The following ST6GALNAC3 variants were observed in gnomAD, a reference collection of about 807,000 sequenced individuals.
The protein encoded by ST6GALNAC3 is alpha-N-acetylgalactosaminide alpha-2,6-sialyltransferase 3.
ST6GALNAC3 carries 25 observed loss-of-function variants against 32.7 expected under a neutral mutation model. The observed-to-expected ratio is 0.76, with a 90% confidence interval of 0.56 to 1.07. The LOEUF (loss-of-function observed/expected upper bound fraction) is 1.07, where lower values mean the gene tolerates loss of function less well. Among genes scored for constraint, ST6GALNAC3 ranks in the 50% least tolerant of loss-of-function variants. The pLI is 0.00. For synonymous variants in ST6GALNAC3, 129 were observed against 133.1 expected, an observed-to-expected ratio of 0.97 and a Z score of 0.21; for missense variants, 355 against 382.4, an observed-to-expected ratio of 0.93 and a Z score of 0.60.
chr1:76,340,989 G>A (rs1647917627), intron 2 of ST6GALNAC3, among the ~76,000 whole-genome samples: 1 of 151,572 alleles, frequency 6.6e-6, no homozygotes, highest in African/African-American at 2.4e-5. Context: ...TGGATTATCA[G>A]GTTAGATTCT....
chr1:76,334,067 C>T (rs1570865430), intron 2 of ST6GALNAC3, among the ~76,000 whole-genome samples: 1 of 152,186 alleles, frequency 6.6e-6, no homozygotes, highest in African/African-American at 2.4e-5. Context: ...CTCTTGCCTT[C>T]AAAGATGATT....
chr1:76,530,916 G>A (rs1339314061), intron 3 of ST6GALNAC3, among the ~76,000 whole-genome samples: 1 of 152,140 alleles, frequency 6.6e-6, no homozygotes, highest in Non-Finnish European at 1.5e-5. Context: ...TAATGAAAGG[G>A]GCAGAGAAGT....
In ST6GALNAC3 at chr1:76,196,357, C is replaced by T. The variant is rs146028414; in HGVS notation, c.19-117448C>T. ...GTTCCTGGGTGATACTGATGCTGCTCCTCTGGGTAGCACACTATAAGAAAC... is the reference window on the plus strand; with the variant it reads ...GTTCCTGGGTGATACTGATGCTGCTTCTCTGGGTAGCACACTATAAGAAAC... On this transcript the variant is annotated intron_variant, in intron 1 of 4. Transcript: ENST00000328299. 3.4e-4 allele frequency among the ~76,000 whole-genome samples: 52 copies of T among 152,216 alleles called. 2 individuals are homozygous for T. In the East Asian group the frequency reaches 9.7e-3, roughly 28 times the overall value.
intron 3 of ST6GALNAC3, among the ~76,000 whole-genome samples, chr1:76,463,074 T>G (rs1658391024): frequency 6.6e-6 from 1 of 152,264 alleles, no homozygotes; most frequent in South Asian, 2.1e-4. Context: ...TTTAGAAAAT[T>G]TAATCCCAGT....
intron 2 of ST6GALNAC3, among the ~76,000 whole-genome samples, chr1:76,314,340 C>A (rs1646826210): frequency 6.6e-6 from 1 of 152,102 alleles, no homozygotes; most frequent in Admixed American, 6.6e-5. Context: ...GGCTTGATTT[C>A]CTGTAGGTCA....
At chr1:76,515,108 T>A (rs889223656) in intron 3 of ST6GALNAC3, among the ~76,000 whole-genome samples, 2 of 152,196 alleles carry the variant, frequency 1.3e-5, no homozygotes, top group African/African-American at 4.8e-5. Context: ...TTTAAATGTT[T>A]GATAGAATTC....
At chr1:76,135,899 C>T (rs1649917632) in intron 1 of ST6GALNAC3, among the ~76,000 whole-genome samples, 1 of 152,192 alleles carries the variant, frequency 6.6e-6, no homozygotes, top group Non-Finnish European at 1.5e-5. Flanking sequence ...AGGAGCCCCA[C>T]AGTCTTTTCT....
intron 2 of ST6GALNAC3, among the ~76,000 whole-genome samples, chr1:76,388,119 T>TA (rs199556980): frequency 3.9e-4 from 57 of 146,426 alleles, no homozygotes; most frequent in African/African-American, 1.2e-3. Context: ...CAGTTGCAAG[T>TA]AAAAAAAAAA....
Position 76,628,640 on chromosome 1 carries a change from T to A in ST6GALNAC3, c.752T>A (p.Val251Asp), listed in dbSNP as rs1351070841. The A allele has an allele frequency of 1.2e-6, 2 of 1,609,228 alleles. No homozygotes were observed. Among genetic ancestry groups the A allele is most frequent in the Non-Finnish European group, 8.5e-7 (1 of 1,178,416 alleles). Reference protein sequence around the residue: ...TYCKTEGYRKVPYHYYEQGRD... With the variant: ...TYCKTEGYRKDPYHYYEQGRD... ...TCTAGGACAGAAGGGTATAGAAAAG[T>A]CCCCTACCATTATTATGAACAAGGA... The change falls in exon 5 of 5, where the codon GTC (valine) becomes GAC (aspartate). Residue 251 changes from valine (V) to aspartate (D), a missense_variant. Transcript: ENST00000328299.
At chr1:76,356,395 C>T (rs900201842) in intron 2 of ST6GALNAC3, among the ~76,000 whole-genome samples, 3 of 138,388 alleles carry the variant, frequency 2.2e-5, no homozygotes, top group Non-Finnish European at 3.0e-5. Flanking sequence ...TGCCAACCCC[C>T]GATCTAGACT....
At chr1:76,146,028 G>C (rs1650662299) in intron 1 of ST6GALNAC3, among the ~76,000 whole-genome samples, 1 of 152,184 alleles carries the variant, frequency 6.6e-6, no homozygotes, top group Non-Finnish European at 1.5e-5. Context: ...CCATCTAAAA[G>C]TAGTAAAGGC....
chr1:76,501,081 A>G (rs896341716), intron 3 of ST6GALNAC3, among the ~76,000 whole-genome samples: 2 of 152,184 alleles, frequency 1.3e-5, no homozygotes, highest in Non-Finnish European at 2.9e-5. Flanking sequence ...CCCTTGTTCC[A>G]ATGTTGTCAG....
intron 3 of ST6GALNAC3, among the ~76,000 whole-genome samples, chr1:76,536,654 C>CAAAAAA (rs35157329): frequency 1.4e-4 from 8 of 57,616 alleles, no homozygotes; most frequent in Admixed American, 2.3e-4. Flanking sequence ...AAATGGAAAG[C>CAAAAAA]AAAAAAAAAA....
chr1:76,226,630 A>C (rs1438070840), intron 1 of ST6GALNAC3, among the ~76,000 whole-genome samples: 1 of 152,174 alleles, frequency 6.6e-6, no homozygotes, highest in Non-Finnish European at 1.5e-5. Context: ...GGAAACTTCA[A>C]ATCATGTTGG....
chr1:76,372,992 T>C (rs948639845), intron 2 of ST6GALNAC3, among the ~76,000 whole-genome samples: 31 of 152,194 alleles, frequency 2.0e-4, no homozygotes, highest in African/African-American at 7.2e-4. Flanking sequence ...AGATAGGGTC[T>C]TGCTATGTTG....
intron 2 of ST6GALNAC3, among the ~76,000 whole-genome samples, chr1:76,375,331 A>G (rs1355073728): frequency 6.6e-6 from 1 of 152,192 alleles, no homozygotes; most frequent in Non-Finnish European, 1.5e-5. Flanking sequence ...ATAGCAAGGA[A>G]GTGAATAAAG....
chr1:76,526,107 T>C (rs1011517271), intron 3 of ST6GALNAC3, among the ~76,000 whole-genome samples: 1 of 151,806 alleles, frequency 6.6e-6, no homozygotes, highest in African/African-American at 2.4e-5. Context: ...AGCATAAATT[T>C]AGAAGAATGA....
intron 3 of ST6GALNAC3, among the ~76,000 whole-genome samples, chr1:76,489,938 G>C (rs1430186899): frequency 6.6e-6 from 1 of 152,164 alleles, no homozygotes; most frequent in Non-Finnish European, 1.5e-5. Flanking sequence ...TCTTCCCTAA[G>C]CCCCAGGTAG....
At chr1:76,086,369 GT>G (rs1646965136) in intron 1 of ST6GALNAC3, among the ~76,000 whole-genome samples, 1 of 151,942 alleles carries the variant, frequency 6.6e-6, no homozygotes, top group South Asian at 2.1e-4. Flanking sequence ...GTTTTTTTTC[GT>G]GTTGATGATT....
Sources: allele counts gnomAD v4.1 joint callset (sites outside exome capture counted in the v4.1 genomes callset), GRCh38; gene constraint gnomAD v4.1.1; transcripts MANE v1.5; gene names NCBI Gene and HGNC (gene_info 2026-07-23, HGNC 2026-07-21).